Variants in PCDH15 observed in about 807,000 individuals in gnomAD.
The protein encoded by PCDH15 is protocadherin-15.
Under a neutral mutation model 178.5 loss-of-function variants are expected in PCDH15, and 129 were observed. The ratio of observed to expected loss-of-function variants is 0.72; its 90% confidence interval spans 0.63 to 0.84. The LOEUF (loss-of-function observed/expected upper bound fraction) is 0.84, where lower values mean the gene tolerates loss of function less well. Ranked by LOEUF, PCDH15 falls within the 40% of genes least tolerant of loss-of-function variation. The pLI is 0.00. For missense variants in PCDH15, 2,230 were observed against 2,099.9 expected (o/e 1.06, Z -1.21); for synonymous variants, 800 against 732.0 (o/e 1.09, Z -1.50).
At chr10:54,380,176 G>A (rs1293681064) in intron 3 of PCDH15, among the ~76,000 whole-genome samples, 1 of 151,944 alleles carries the variant, frequency 6.6e-6, no homozygotes, top group African/African-American at 2.4e-5. Flanking sequence ...TGAATCTTTT[G>A]TAACAAGCCA....
chr10:54,451,988 G>T (rs1179354348), intron 3 of PCDH15, among the ~76,000 whole-genome samples: 1 of 151,804 alleles, frequency 6.6e-6, no homozygotes, highest in Non-Finnish European at 1.5e-5. Flanking sequence ...TTTGCTTGAT[G>T]CCAGGAGCTC....
chr10:54,075,156 T>C (rs2094317702), intron 17 of PCDH15, among the ~76,000 whole-genome samples: 1 of 152,034 alleles, frequency 6.6e-6, no homozygotes, highest in Non-Finnish European at 1.5e-5. Flanking sequence ...GGCAGGCAGA[T>C]CACGAGGTCA....
At chr10:54,382,157 T>C (rs1163678295) in intron 3 of PCDH15, among the ~76,000 whole-genome samples, 1 of 152,170 alleles carries the variant, frequency 6.6e-6, no homozygotes, top group Non-Finnish European at 1.5e-5. Context: ...CTGGGATTTG[T>C]GCTTCATCCT....
At chr10:55,361,487 A>G (rs1450542382) in intron 2 of PCDH15, among the ~76,000 whole-genome samples, 1 of 152,024 alleles carries the variant, frequency 6.6e-6, no homozygotes, top group Non-Finnish European at 1.5e-5. Context: ...TTTTTCTAAC[A>G]TGATTTTTCA....
In PCDH15 at chr10:54,972,006, A is replaced by C. The variant is rs547432654; in HGVS notation, c.-79-74506T>G. 5.3e-5 allele frequency among the ~76,000 whole-genome samples: 8 copies of C among 152,306 alleles called. No individual in the cohort carries two copies. The East Asian group carries it at 1.5e-3, about 29-fold the overall frequency. On this transcript the variant is annotated intron_variant, in intron 2 of 5. Transcript: ENST00000458638. ...CTGATGTCATTAACTACGGATACAA[A>C]CACAATCAAGAAGGAAAACTTGATA...
intron 1 of PCDH15, among the ~76,000 whole-genome samples, chr10:55,219,218 G>T (rs1840798304): frequency 6.6e-6 from 1 of 151,756 alleles, no homozygotes; most frequent in Non-Finnish European, 1.5e-5. Flanking sequence ...AATAAGTAGG[G>T]TCTTCTCTAT....
intron 2 of PCDH15, among the ~76,000 whole-genome samples, chr10:55,546,608 G>C (rs1215300349): frequency 6.6e-6 from 1 of 152,128 alleles, no homozygotes; most frequent in Non-Finnish European, 1.5e-5. Context: ...TAGACGATCT[G>C]AGTATGTTAT....
rs138294048 is a variant in PCDH15, at chr10:54,428,626, A to G, written c.158-49684T>C. ...AGTATTCATCTCAGAGCCAACGGGCATTGAGGCATTCGATAATCATACTCC... is the reference window on the plus strand; with the variant it reads ...AGTATTCATCTCAGAGCCAACGGGCGTTGAGGCATTCGATAATCATACTCC... On this transcript the variant is annotated intron_variant, in intron 3 of 37. Transcript: ENST00000644397. 2.1e-3 allele frequency among the ~76,000 whole-genome samples: 317 copies of G among 152,234 alleles called. 1 individual carries two copies. The highest frequency in any genetic ancestry group is 7.2e-3 in the African/African-American group (301 of 41,578).
intron 2 of PCDH15, among the ~76,000 whole-genome samples, chr10:54,616,479 G>T (rs1329736563): frequency 6.6e-6 from 1 of 152,014 alleles, no homozygotes; most frequent in Non-Finnish European, 1.5e-5. Context: ...TTTTTTCAAA[G>T]TATATTTTGT....
chr10:55,590,762 G>A (rs1842828238), intron 2 of PCDH15, among the ~76,000 whole-genome samples: 1 of 152,014 alleles, frequency 6.6e-6, no homozygotes, highest in Non-Finnish European at 1.5e-5. Context: ...ACAGCATCTG[G>A]TCATATGGTA....
chr10:54,345,829 A>AAAAAAG lies in PCDH15; in HGVS notation c.594+530_594+535dup, dbSNP rs1554916109. Among the ~76,000 whole-genome samples the AAAAAAG allele has an allele frequency of 4.6e-3, 633 of 137,086 alleles. 5 individuals carry two copies. The highest frequency in any genetic ancestry group is 5.5e-3 in the African/African-American group (206 of 37,702). 89.9% of individuals were successfully genotyped at this position (137,086 alleles called of 152,430 possible). On this transcript the variant is annotated intron_variant, in intron 6 of 37. Coordinates refer to ENST00000644397, the MANE Select transcript of PCDH15 (RefSeq NM_001384140.1). ...AAAAAAAAAAAAAAAAAAAAAAAAA[A>AAAAAAG]AAAAAGAAATCATCTTGTCTAATGG...
intron 35 of PCDH15, among the ~76,000 whole-genome samples, chr10:53,815,124 G>C (rs1480205257): frequency 5.9e-5 from 9 of 152,082 alleles, no homozygotes. Flanking sequence ...AGAAAAGTAT[G>C]CAAAGTAACA....
In PCDH15 at chr10:54,714,677, T is replaced by G. The variant is rs11004467; in HGVS notation, c.-28-50387A>C. On this transcript the variant is annotated intron_variant, in intron 1 of 37. Transcript: ENST00000644397. Reference sequence around the variant, plus strand: ...TTGGCTTCATTAACTGGTCTTGAGGTTTGGGAAGTTAAGTTCTTCAAGCCC... The same window carrying G: ...TTGGCTTCATTAACTGGTCTTGAGGGTTGGGAAGTTAAGTTCTTCAAGCCC... Among the ~76,000 whole-genome samples, 1,123 of 152,226 alleles carry G rather than the reference T, an allele frequency of 7.4e-3. 18 individuals carry two copies. Among genetic ancestry groups the G allele is most frequent in the East Asian group, 0.055 (284 of 5,174 alleles).
chr10:53,841,356 C>T (rs2077632561), intron 28 of PCDH15, among the ~76,000 whole-genome samples: 1 of 151,998 alleles, frequency 6.6e-6, no homozygotes, highest in Admixed American at 6.6e-5. Context: ...ACTCAATGCT[C>T]TTTTCTGAGT....
chr10:54,189,377 G>T, intron 11 of PCDH15: 2 of 1,562,880 alleles, frequency 1.3e-6, no homozygotes, highest in Admixed American at 1.8e-5. Context: ...AACTCCACTG[G>T]GTGGAACCTA....
intron 8 of PCDH15, among the ~76,000 whole-genome samples, chr10:54,316,548 A>G (rs199811872): frequency 0.27 from 28,413 of 104,034 alleles, 2,703 homozygotes; most frequent in Middle Eastern, 0.31. Flanking sequence ...ACACACACAC[A>G]CACACACACA....
chr10:54,243,671 T>C (rs1026859973), intron 8 of PCDH15, among the ~76,000 whole-genome samples: 4 of 152,202 alleles, frequency 2.6e-5, no homozygotes, highest in South Asian at 2.1e-4. Context: ...AACACATTCA[T>C]ATAGACATAA....
At chr10:54,886,719 G>A (rs1203900755) in intron 3 of PCDH15, among the ~76,000 whole-genome samples, 3 of 152,218 alleles carry the variant, frequency 2.0e-5, no homozygotes, top group Non-Finnish European at 4.4e-5. Flanking sequence ...TGGAGAAGGC[G>A]CCAGCCTAGG....
At chr10:54,320,155 T>A (rs1336827564) in intron 7 of PCDH15, among the ~76,000 whole-genome samples, 1 of 152,110 alleles carries the variant, frequency 6.6e-6, no homozygotes, top group Non-Finnish European at 1.5e-5. Flanking sequence ...TTTCTGAACT[T>A]CTTTTATGTC....
Sources: gnomAD v4.1 joint callset for allele counts (sites outside exome capture counted in the v4.1 genomes callset) on GRCh38, gnomAD v4.1.1 for gene constraint, MANE v1.5 for transcripts, NCBI Gene and HGNC (gene_info 2026-07-23, HGNC 2026-07-21) for gene names.